NFASC: variants seen among roughly 807,000 people sequenced by gnomAD.
NFASC encodes the protein neurofascin, also known as neurofascin homolog.
Under a neutral mutation model 147.5 loss-of-function variants are expected in NFASC, and 43 were observed. The ratio of observed to expected loss-of-function variants is 0.29; its 90% CI spans 0.23 to 0.38. The LOEUF (loss-of-function observed/expected upper bound fraction) is 0.38. NFASC is among the 10% of genes least tolerant of loss of function. The pLI is 1.00. For synonymous variants in NFASC, 622 were observed against 665.5 expected (o/e 0.93, Z 1.01); for missense variants, 1,320 against 1,689.0 (o/e 0.78, Z 3.83).
At chr1:204,944,135 G>A in intron 2 of NFASC, 91 bp from the exon 3 acceptor site, 1 of 1,096,936 alleles carries the variant, frequency 9.1e-7, no homozygotes, top group Non-Finnish European at 1.3e-6. Flanking sequence ...GTGACCAAGG[G>A]GGCTCTTCGG....
chr1:205,011,204 A>AG (rs2096247585), intron 28 of NFASC, among the ~76,000 whole-genome samples: 1 of 91,782 alleles, frequency 1.1e-5, no homozygotes, highest in Non-Finnish European at 2.4e-5. Context: ...GTCCTCCCCC[A>AG]GGACCCCCCC....
chr1:204,940,788 T>C (rs1281063747), intron 2 of NFASC, among the ~76,000 whole-genome samples: 1 of 152,256 alleles, frequency 6.6e-6, no homozygotes, highest in Non-Finnish European at 1.5e-5. Context: ...TTCCTTCCTA[T>C]GGCTGAGTCA....
intron 21 of NFASC, among the ~76,000 whole-genome samples, chr1:204,984,578 C>G (rs911028228): frequency 2.6e-5 from 4 of 151,868 alleles, no homozygotes; most frequent in African/African-American, 9.7e-5. Flanking sequence ...CTGAGCTACT[C>G]CCCTCCCCTC....
At chr1:204,874,255 A>T (rs556904800) in intron 1 of NFASC, among the ~76,000 whole-genome samples, 37 of 152,082 alleles carry the variant, frequency 2.4e-4, no homozygotes, top group Non-Finnish European at 4.7e-4. Context: ...AGGTTAAATA[A>T]CCCATGGTCT....
intron 2 of NFASC, among the ~76,000 whole-genome samples, chr1:204,937,029 G>A (rs1398992281): frequency 7.0e-6 from 1 of 142,962 alleles, no homozygotes; most frequent in Non-Finnish European, 1.6e-5. Flanking sequence ...ACCTGTCTTT[G>A]CAAGGTTAGT....
intron 1 of NFASC, among the ~76,000 whole-genome samples, chr1:204,897,714 C>T (rs1259271106): frequency 6.6e-6 from 1 of 151,680 alleles, no homozygotes; most frequent in African/African-American, 2.4e-5. Context: ...GCTGGGACTA[C>T]AGGTGTGTGC....
At chr1:204,985,443 A>G (rs1574150552) in intron 21 of NFASC, among the ~76,000 whole-genome samples, 1 of 152,202 alleles carries the variant, frequency 6.6e-6, no homozygotes. Context: ...GTAACTTGCT[A>G]CCTTTCAACT....
chr1:204,828,784 T>A lies in NFASC; in HGVS notation c.-200+2T>A, dbSNP rs1251291057. The stretch of plus-strand genomic sequence containing the variant: ...GGGCCGGAGCCCGAGCCCTTGGAGG[T>A]AGGCGAGCGCGAACACCGGAGAGAT... On this transcript the variant is annotated splice_donor_variant, in intron 1 of 29. Transcript: ENST00000339876. LOFTEE classifies it low-confidence loss of function (5UTR_SPLICE). The A allele has an allele frequency of 1.0e-6, 1 of 985,070 alleles. No homozygotes were observed. The highest frequency in any genetic ancestry group is 1.1e-4 in the East Asian group (1 of 8,758). The allele number at this position is 985,070 out of a possible 1,614,324, so 61.0% of individuals were successfully genotyped here.
At chr1:204,879,653 G>A (rs2079735979) in intron 1 of NFASC, among the ~76,000 whole-genome samples, 1 of 152,164 alleles carries the variant, frequency 6.6e-6, no homozygotes, top group Non-Finnish European at 1.5e-5. Flanking sequence ...AGAGGACTGT[G>A]GGATTTATTT....
intron 3 of NFASC, chr1:204,946,982 C>T (rs779739405): frequency 2.0e-5 from 7 of 357,080 alleles, no homozygotes; most frequent in Non-Finnish European, 3.9e-5. Flanking sequence ...GTTTGCTTGC[C>T]TGGGGCACCT....
At chr1:204,869,779 A>G (rs1348974577) in intron 1 of NFASC, among the ~76,000 whole-genome samples, 1 of 152,138 alleles carries the variant, frequency 6.6e-6, no homozygotes. Context: ...TAATCTCCAC[A>G]CTATACTGAC....
chr1:204,908,216 A>G (rs748820504), intron 1 of NFASC, among the ~76,000 whole-genome samples: 4 of 152,182 alleles, frequency 2.6e-5, no homozygotes, highest in Admixed American at 6.5e-5. Context: ...TCCTAGGTTC[A>G]GGCAATCTGC....
In NFASC at chr1:204,845,295, C is replaced by CAA. The variant is rs35773017; in HGVS notation, c.-200+16526_-200+16527dup. 4.1e-3 allele frequency among the ~76,000 whole-genome samples: 576 copies of CAA among 140,534 alleles called. 3 individuals carry two copies. The highest frequency in any genetic ancestry group is 0.011 in the Middle Eastern group (3 of 276). 92.2% of individuals were successfully genotyped at this position (140,534 alleles called of 152,430 possible). A position where few individuals can be genotyped will look rare whatever the true frequency, so the allele number is the denominator to read the frequency against. The stretch of plus-strand genomic sequence containing the variant: ...GTAAAACCCTGTCTCTACTAAAATA[C>CAA]AAAAAAAAAAAAAATAGCTGGGCGT... On this transcript the variant is annotated intron_variant, in intron 1 of 29. Coordinates refer to ENST00000339876, the MANE Select transcript of NFASC (RefSeq NM_001005388.3).
In NFASC at chr1:204,889,404, T is replaced by A. The variant is rs557588512; in HGVS notation, c.-199-31228T>A. ...GAAGCAGCATGATGCCTATTATTGA[T>A]GTCATCAGAAATTACCCTTTTGGTG... is the stretch of plus-strand genomic sequence containing the variant. On this transcript the variant is annotated intron_variant, in intron 1 of 29. Transcript: ENST00000339876. Among the ~76,000 whole-genome samples the A allele has an allele frequency of 3.9e-5, 6 of 152,328 alleles. No individual in the cohort carries two copies. The South Asian group carries it at 1.2e-3, about 32-fold the overall frequency.
intron 1 of NFASC, among the ~76,000 whole-genome samples, chr1:204,857,979 G>A (rs1006687585): frequency 6.8e-6 from 1 of 147,438 alleles, no homozygotes; most frequent in African/African-American, 2.5e-5. Context: ...GAGTGCAATG[G>A]CGCGATCTCA....
intron 21 of NFASC, chr1:204,984,331 A>ATGTGTG: frequency 5.8e-6 from 2 of 346,252 alleles, no homozygotes; most frequent in South Asian, 7.0e-5. Context: ...TTATATATAT[A>ATGTGTG]TGTGTGTGTG....
chr1:204,880,019 G>A (rs920764668), intron 1 of NFASC, among the ~76,000 whole-genome samples: 1 of 152,100 alleles, frequency 6.6e-6, no homozygotes, highest in African/African-American at 2.4e-5. Context: ...CTGCATGGAG[G>A]CCTACCTTGT....
In NFASC at chr1:204,979,427, C is replaced by T. The variant is rs748826047; in HGVS notation, c.2044C>T (p.Pro682Ser). 1.9e-6 allele frequency: 3 copies of T among 1,613,956 alleles called. No homozygotes were observed. Among genetic ancestry groups the T allele is most frequent in the East Asian group, 4.5e-5 (2 of 44,906 alleles). The part of the protein sequence containing the change: ...PGVWHDHSKY[P>S]GSVNSAVLRL... ...GGTCTGGCATGACCATTCCAAGTAC[C>T]CCGGCAGCGTTAACTCAGCCGTCCT... The change falls in exon 19 of 30, where the codon CCC (proline) becomes TCC (serine). Residue 682 changes from proline (P) to serine (S), a missense_variant. Physicochemically the swap from Pro to Ser is moderately conservative, Grantham distance 74. Coordinates refer to ENST00000339876, the MANE Select transcript of NFASC (RefSeq NM_001005388.3). The surrounding 1 kb of genome is among the most constrained non-coding windows in gnomAD (Gnocchi z 6.0).
intron 1 of NFASC, among the ~76,000 whole-genome samples, chr1:204,886,631 A>G (rs2081362437): frequency 6.6e-6 from 1 of 152,174 alleles, no homozygotes; most frequent in African/African-American, 2.4e-5. Flanking sequence ...CAGGACCACA[A>G]GTTGAAAACC....
Sources: allele counts gnomAD v4.1 joint callset (sites outside exome capture counted in the v4.1 genomes callset), GRCh38; gene constraint gnomAD v4.1.1; non-coding constraint Gnocchi (gnomAD v3.1); transcripts MANE v1.5; gene names NCBI Gene and HGNC (gene_info 2026-07-23, HGNC 2026-07-21).